Variants in L3MBTL4 observed in about 807,000 individuals in gnomAD.
L3MBTL4 encodes lethal(3)malignant brain tumor-like protein 4.
L3MBTL4 carries 70 observed loss-of-function variants against 84.5 expected under a neutral mutation model. That is an observed-to-expected ratio of 0.83 (90% CI 0.68 to 1.01). The LOEUF is 1.01. Among genes scored for constraint, L3MBTL4 ranks in the 50% least tolerant of loss-of-function variants. L3MBTL4 has a pLI of 0.00. For synonymous variants in L3MBTL4, 274 were observed against 259.8 expected (o/e 1.05, Z -0.52); for missense variants, 715 against 754.8 (o/e 0.95, Z 0.62).
chr18:6,034,544 T>C (rs1181214922), intron 16 of L3MBTL4, among the ~76,000 whole-genome samples: 1 of 152,164 alleles, frequency 6.6e-6, no homozygotes, highest in Non-Finnish European at 1.5e-5. Flanking sequence ...ATCCAGTCTA[T>C]CATTGTTGGA....
chr18:6,057,570 T>C (rs2057069120), intron 16 of L3MBTL4, among the ~76,000 whole-genome samples: 1 of 152,194 alleles, frequency 6.6e-6, no homozygotes, highest in Non-Finnish European at 1.5e-5. Context: ...TGTGATTATT[T>C]TATAATCTGA....
At chr18:5,991,682 A>G (rs536980996) in intron 16 of L3MBTL4, among the ~76,000 whole-genome samples, 1 of 152,346 alleles carries the variant, frequency 6.6e-6, no homozygotes, top group South Asian at 2.1e-4. Flanking sequence ...ACAAAGAATT[A>G]GCCAGCCCCA....
chr18:6,151,281 C>T (rs992908428), intron 13 of L3MBTL4, among the ~76,000 whole-genome samples: 3 of 152,178 alleles, frequency 2.0e-5, no homozygotes, highest in African/African-American at 7.2e-5. Context: ...ACTCATAAGT[C>T]ATATTATGGT....
chr18:6,100,272 A>T (rs1007165352), intron 14 of L3MBTL4, among the ~76,000 whole-genome samples: 7 of 152,202 alleles, frequency 4.6e-5, no homozygotes, highest in African/African-American at 7.2e-5. Flanking sequence ...AATTTTAAAA[A>T]GGCCTATTCT....
intron 1 of L3MBTL4, among the ~76,000 whole-genome samples, chr18:6,351,558 A>ATT (rs567525765): frequency 0.012 from 1,786 of 145,818 alleles, 23 homozygotes; most frequent in Middle Eastern, 0.017. Flanking sequence ...TGGATTTTTT[A>ATT]TTTTTTTTTT....
At chr18:6,024,798 A>T (rs2055428643) in intron 16 of L3MBTL4, among the ~76,000 whole-genome samples, 1 of 152,214 alleles carries the variant, frequency 6.6e-6, no homozygotes, top group African/African-American at 2.4e-5. Context: ...AATGAGTATT[A>T]AAAAAGACCC....
intron 3 of L3MBTL4, among the ~76,000 whole-genome samples, chr18:6,304,294 G>C (rs1397123763): frequency 6.6e-6 from 1 of 152,100 alleles, no homozygotes; most frequent in African/African-American, 2.4e-5. Context: ...TCTAGTCTAG[G>C]TCGACAAATA....
At chr18:6,235,262 T>A (rs1051351255) in intron 10 of L3MBTL4, among the ~76,000 whole-genome samples, 5 of 152,172 alleles carry the variant, frequency 3.3e-5, no homozygotes, top group Non-Finnish European at 5.9e-5. Context: ...GGCACATGTA[T>A]ACATACGTAA....
Position 5,978,045 on chromosome 18 carries a change from G to A in L3MBTL4, c.1445-8483C>T, listed in dbSNP as rs115687623. Among the ~76,000 whole-genome samples the A allele has an allele frequency of 6.9e-3, 1,045 of 152,328 alleles. 17 individuals carry two copies. The highest frequency in any genetic ancestry group is 0.024 in the African/African-American group (982 of 41,568). On this transcript the variant is annotated intron_variant, in intron 16 of 18. Coordinates refer to ENST00000317931, the MANE Select transcript of L3MBTL4 (RefSeq NM_001330559.2). Reference sequence around the variant, plus strand: ...CCTGACACATGGTGCGGTGTAGCAGGGGTGCTTAACACATAATGGGACTGT... The same window carrying A: ...CCTGACACATGGTGCGGTGTAGCAGAGGTGCTTAACACATAATGGGACTGT...
chr18:6,124,923 C>T (rs2059639890), intron 14 of L3MBTL4, among the ~76,000 whole-genome samples: 1 of 151,918 alleles, frequency 6.6e-6, no homozygotes, highest in Non-Finnish European at 1.5e-5. Context: ...GGTATGTATT[C>T]TCAAATCTAA....
At chr18:6,053,122 C>T (rs751733968) in intron 16 of L3MBTL4, among the ~76,000 whole-genome samples, 1 of 152,176 alleles carries the variant, frequency 6.6e-6, no homozygotes, top group Non-Finnish European at 1.5e-5. Context: ...GTTGGCTCTT[C>T]ACAATACACT....
At chr18:5,957,387 AT>A (rs1277339912) in intron 18 of L3MBTL4, among the ~76,000 whole-genome samples, 2 of 152,132 alleles carry the variant, frequency 1.3e-5, no homozygotes, top group Non-Finnish European at 2.9e-5. Flanking sequence ...ACAATTAAAT[AT>A]TTTTAAATTA....
intron 10 of L3MBTL4, among the ~76,000 whole-genome samples, chr18:6,231,085 G>A (rs561478847): frequency 9.9e-5 from 15 of 152,078 alleles, no homozygotes; most frequent in African/African-American, 3.4e-4. Flanking sequence ...AGTTTAATTA[G>A]GTCCCATTTG....
intron 4 of L3MBTL4, among the ~76,000 whole-genome samples, chr18:6,277,106 G>A (rs1165676213): frequency 7.4e-6 from 1 of 134,482 alleles, no homozygotes; most frequent in Non-Finnish European, 1.5e-5. Flanking sequence ...TTCTCATAAG[G>A]AAGGGGAACA....
At chr18:6,408,547 C>G (rs1227614266) in intron 1 of L3MBTL4, among the ~76,000 whole-genome samples, 1 of 152,142 alleles carries the variant, frequency 6.6e-6, no homozygotes, top group Non-Finnish European at 1.5e-5. Flanking sequence ...TAATAGCCAC[C>G]TCCTTTAGAA....
chr18:6,401,826 T>C (rs533790883), intron 1 of L3MBTL4, among the ~76,000 whole-genome samples: 2 of 152,224 alleles, frequency 1.3e-5, no homozygotes, highest in East Asian at 3.9e-4. Flanking sequence ...TACAGGCAAG[T>C]GTGCGGTGTG....
chr18:6,031,061 T>G, intron 16 of L3MBTL4: 1 of 985,440 alleles, frequency 1.0e-6, no homozygotes, highest in Non-Finnish European at 1.2e-6. Context: ...CATAAAACAC[T>G]TAATACATCC....
chr18:6,174,200 C>T (rs781513179), intron 12 of L3MBTL4, among the ~76,000 whole-genome samples: 1 of 147,216 alleles, frequency 6.8e-6, no homozygotes, highest in Non-Finnish European at 1.5e-5. Flanking sequence ...ATATAACATA[C>T]AAAAGTTTAT....
intron 16 of L3MBTL4, among the ~76,000 whole-genome samples, chr18:6,008,853 T>C (rs1452499832): frequency 6.6e-6 from 1 of 152,140 alleles, no homozygotes; most frequent in Non-Finnish European, 1.5e-5. Flanking sequence ...GAGGCAACAG[T>C]CTGTGTGTTG....
Sources: gnomAD v4.1 joint callset for allele counts (sites outside exome capture counted in the v4.1 genomes callset) on GRCh38, gnomAD v4.1.1 for gene constraint, MANE v1.5 for transcripts, NCBI Gene and HGNC (gene_info 2026-07-23, HGNC 2026-07-21) for gene names.